SEMA4D: variants seen among roughly 807,000 people sequenced by gnomAD.
The protein encoded by SEMA4D is semaphorin-4D.
In SEMA4D, 22 loss-of-function variants were observed where a neutral mutation model predicts 74.8. The ratio of observed to expected loss-of-function variants is 0.29; its 90% CI spans 0.21 to 0.42. The LOEUF (loss-of-function observed/expected upper bound fraction) is 0.42, where lower values mean the gene tolerates loss of function less well. Among genes scored for constraint, SEMA4D ranks in the 10% least tolerant of loss-of-function variants. The pLI is 1.00. For synonymous variants in SEMA4D, 445 were observed against 463.7 expected, an observed-to-expected ratio of 0.96 and a Z score of 0.52; for missense variants, 937 against 1,118.4, an observed-to-expected ratio of 0.84 and a Z score of 2.31.
intron 3 of SEMA4D, among the ~76,000 whole-genome samples, chr9:89,404,637 C>G (rs928756595): frequency 2.8e-4 from 42 of 149,306 alleles, no homozygotes; most frequent in African/African-American, 8.8e-4. Flanking sequence ...AGTGGAGTCC[C>G]CATCCCGACC....
In SEMA4D at chr9:89,381,632, G is replaced by T; in HGVS notation, c.1447-286C>A. 3.2e-6 allele frequency: 1 copy of T among 317,134 alleles called. No individual in the cohort carries two copies. 19.6% of individuals were successfully genotyped at this position (317,134 alleles called of 1,614,324 possible). A position where few individuals can be genotyped will look rare whatever the true frequency, so the allele number is the denominator to read the frequency against. Reference sequence around the variant, plus strand: ...CCTCCAGCAAAGCGCTTCTCTGCACGTGTTTCTCTTAGCCAGTGGGGAGGC... The same window carrying T: ...CCTCCAGCAAAGCGCTTCTCTGCACTTGTTTCTCTTAGCCAGTGGGGAGGC... On this transcript the variant is annotated intron_variant, in intron 13 of 15. Transcript: ENST00000422704. This position sits in a 1 kb window ranked among gnomAD's most constrained non-coding sequence, Gnocchi z 4.6.
At chr9:89,437,199 A>G (rs36047156) in intron 2 of SEMA4D, among the ~76,000 whole-genome samples, 23,532 of 152,084 alleles carry the variant, frequency 0.15, 2,396 homozygotes, top group Non-Finnish European at 0.22. Flanking sequence ...CAGCATGCCC[A>G]CCCCCATGAG....
At chr9:89,369,679 G>A (rs527475534) in intron 16 of SEMA4D, among the ~76,000 whole-genome samples, 2 of 152,394 alleles carry the variant, frequency 1.3e-5, no homozygotes, top group South Asian at 2.1e-4. Context: ...TCACCCATCT[G>A]TATTCTGAGT....
At chr9:89,490,405 T>C (rs1394162753) in intron 1 of SEMA4D, among the ~76,000 whole-genome samples, 1 of 152,250 alleles carries the variant, frequency 6.6e-6, no homozygotes, top group Non-Finnish European at 1.5e-5. Flanking sequence ...ATGGTTTCAT[T>C]TATGATTTTT....
Position 89,405,712 on chromosome 9 carries a change from G to T in SEMA4D, c.-243-13C>A. The T allele has an allele frequency of 7.1e-7, 1 of 1,405,866 alleles. No individual in the cohort carries two copies. The highest frequency in any genetic ancestry group is 1.7e-5 in the South Asian group (1 of 60,182). The allele number at this position is 1,405,866 out of a possible 1,614,324, so 87.1% of individuals were successfully genotyped here. A position where few individuals can be genotyped will look rare whatever the true frequency, so the allele number is the denominator to read the frequency against. On this transcript the variant is annotated splice_polypyrimidine_tract_variant and intron_variant, in intron 2 of 15. Coordinates refer to ENST00000422704, the MANE Select transcript of SEMA4D (RefSeq NM_001371194.2). ...CTCAGAAGAAATGCTGGAAGGACAT[G>T]AGAAAGAAAAGGCAGGACCCATGGT... is the stretch of plus-strand genomic sequence containing the variant.
chr9:89,386,081 G>A (rs887739915), intron 13 of SEMA4D: 1 of 985,240 alleles, frequency 1.0e-6, no homozygotes, highest in South Asian at 4.7e-5. Flanking sequence ...ATGGAGCAGT[G>A]CCCACCTCTC....
chr9:89,430,292 C>A (rs997147710), intron 2 of SEMA4D, among the ~76,000 whole-genome samples: 1 of 152,202 alleles, frequency 6.6e-6, no homozygotes, highest in Non-Finnish European at 1.5e-5. Context: ...AGCAAACCCT[C>A]CAGACAGCTC....
At chr9:89,420,803 C>T (rs1480510825) in intron 2 of SEMA4D, among the ~76,000 whole-genome samples, 1 of 152,228 alleles carries the variant, frequency 6.6e-6, no homozygotes, top group Non-Finnish European at 1.5e-5. Flanking sequence ...CCTCTCTGGG[C>T]CTCTGTTTCC....
At position 89,472,534 on chromosome 9, in the gene SEMA4D, G is replaced by A. The variant is rs76348785; in HGVS notation, c.-309-16581C>T. 6.3e-3 allele frequency: 1,623 copies of A among 255,692 alleles called. 7 individuals carry two copies. The highest frequency in any genetic ancestry group is 0.01 in the Middle Eastern group (6 of 600). The allele number at this position is 255,692 out of a possible 1,614,324, so 15.8% of individuals were successfully genotyped here. On this transcript the variant is annotated intron_variant, in intron 1 of 15. Transcript: ENST00000422704. ...GTGGAGTTAACAGTCCTAACGACAT[G>A]GTGGACCCAAGAGCCAAATCACCGC...
At chr9:89,463,909 G>A (rs1192534670) in intron 1 of SEMA4D, among the ~76,000 whole-genome samples, 1 of 151,016 alleles carries the variant, frequency 6.6e-6, no homozygotes, top group Non-Finnish European at 1.5e-5. Flanking sequence ...ACTCCAGCCT[G>A]GGTGACAGAG....
chr9:89,377,056 G>A (rs929362764), downstream of SEMA4D: 4 of 1,530,042 alleles, frequency 2.6e-6, no homozygotes, highest in Non-Finnish European at 3.5e-6. Flanking sequence ...ACGAGGCTGT[G>A]AGACAGAGAG....
At position 89,484,264 on chromosome 9, in the gene SEMA4D, C is replaced by A. The variant is rs1824964962; in HGVS notation, c.-310+13655G>T. Among the ~76,000 whole-genome samples the A allele has an allele frequency of 6.6e-6, 1 of 152,268 alleles. No individual in the cohort carries two copies. The highest frequency in any genetic ancestry group is 2.1e-4 in the South Asian group (1 of 4,836). The stretch of plus-strand genomic sequence containing the variant: ...AGCAGAACAAGCTGCAAAACACCCA[C>A]CTGCTCTGGGAACAAGGCACGCATG... On this transcript the variant is annotated intron_variant, in intron 1 of 15. Transcript: ENST00000422704. The surrounding 1 kb of genome is among the most constrained non-coding windows in gnomAD (Gnocchi z 4.1).
rs753625243 is a variant in SEMA4D at position 89,392,409 on chromosome 9, C to T, written c.622+14G>A. The T allele has an allele frequency of 2.2e-5, 35 of 1,569,506 alleles. No individual in the cohort carries two copies. The highest frequency in any genetic ancestry group is 4.1e-5 in the African/African-American group (3 of 73,998). On this transcript the variant is annotated intron_variant, in intron 8 of 15. Coordinates refer to ENST00000422704, the MANE Select transcript of SEMA4D (RefSeq NM_001371194.2). ...GACACGCACCTCCCACTAAGGTGCA[C>T]TGCTCTTCCTTACCGTTCAGCCAAG...
rs1244327720 is a variant in SEMA4D, at chr9:89,378,240, G to C, written c.*464C>G. The stretch of plus-strand genomic sequence containing the variant: ...AAAATCCTAAAAAAATAATTAAGTG[G>C]AAGAAAAGGTTCGTGCCAATCTGGA... On this transcript the variant is annotated 3_prime_UTR_variant, in exon 16 of 16. Coordinates refer to ENST00000422704, the MANE Select transcript of SEMA4D (RefSeq NM_001371194.2). 6.5e-6 allele frequency: 1 copy of C among 154,824 alleles called. No individual in the cohort carries two copies. The highest frequency in any genetic ancestry group is 2.4e-5 in the African/African-American group (1 of 41,474). 9.6% of individuals were successfully genotyped at this position (154,824 alleles called of 1,614,324 possible).
At chr9:89,477,336 G>A (rs1302814879) in intron 1 of SEMA4D, among the ~76,000 whole-genome samples, 2 of 151,480 alleles carry the variant, frequency 1.3e-5, no homozygotes, top group Non-Finnish European at 2.9e-5. Flanking sequence ...AAACACACAC[G>A]GCCTACTAAA....
intron 2 of SEMA4D, among the ~76,000 whole-genome samples, chr9:89,412,095 T>C (rs1007888844): frequency 6.6e-6 from 1 of 151,634 alleles, no homozygotes; most frequent in Non-Finnish European, 1.5e-5. Flanking sequence ...TCCATCCCCC[T>C]CTGTGGTATT....
Position 89,378,849 on chromosome 9 carries a change from T to C in SEMA4D, c.2444A>G (p.Tyr815Cys). ...GGTGATGGTGTCTTGCTCGGTCTCA[T>C]AGCCGGTGTCCAGGGCTGGCTTGGG... ...EHPKPALDTGYETEQDTITSK... is the reference protein window; with the variant it reads ...EHPKPALDTGCETEQDTITSK... Residue 815 changes from tyrosine to cysteine, a missense_variant, in exon 16 of 16, where the codon TAT (tyrosine) becomes TGT (cysteine). Coordinates refer to ENST00000422704, the MANE Select transcript of SEMA4D (RefSeq NM_001371194.2). 6.2e-7 allele frequency: 1 copy of C among 1,614,222 alleles called. No individual in the cohort carries two copies. Among genetic ancestry groups the C allele is most frequent in the East Asian group, 2.2e-5 (1 of 44,876 alleles).
intron 1 of SEMA4D, among the ~76,000 whole-genome samples, chr9:89,485,508 G>A (rs1825110596): frequency 6.6e-6 from 1 of 152,138 alleles, no homozygotes; most frequent in Non-Finnish European, 1.5e-5. Flanking sequence ...CATTAACCGG[G>A]CTGGGCACGG....
intron 2 of SEMA4D, among the ~76,000 whole-genome samples, chr9:89,436,111 G>C (rs1850341856): frequency 6.6e-6 from 1 of 152,110 alleles, no homozygotes; most frequent in South Asian, 2.1e-4. Context: ...GCAAAGCTCT[G>C]GAGTGAAGCC....
Sources: allele counts gnomAD v4.1 joint callset (sites outside exome capture counted in the v4.1 genomes callset), GRCh38; gene constraint gnomAD v4.1.1; non-coding constraint Gnocchi (gnomAD v3.1); transcripts MANE v1.5; gene names NCBI Gene and HGNC (gene_info 2026-07-23, HGNC 2026-07-21).